DLG2: variants seen among roughly 807,000 people sequenced by gnomAD.
DLG2 encodes the protein discs large MAGUK scaffold protein 2.
Under a neutral mutation model 132.5 loss-of-function variants are expected in DLG2, and 45 were observed. The observed-to-expected ratio is 0.34, with a 90% CI of 0.27 to 0.44. The LOEUF is 0.44. Among genes scored for constraint, DLG2 ranks in the 20% least tolerant of loss-of-function variants. DLG2 has a pLI of 1.00. For missense variants in DLG2, 1,045 were observed against 1,196.9 expected, an observed-to-expected ratio of 0.87 and a Z score of 1.87; for synonymous variants, 424 against 419.6, an observed-to-expected ratio of 1.01 and a Z score of -0.13.
intron 6 of DLG2, among the ~76,000 whole-genome samples, chr11:84,732,918 G>C (rs1313942247): frequency 6.6e-6 from 1 of 151,126 alleles, no homozygotes; most frequent in Non-Finnish European, 1.5e-5. Flanking sequence ...GCGATAGTTT[G>C]CTGAGAATGA....
intron 6 of DLG2, among the ~76,000 whole-genome samples, chr11:84,616,010 T>A (rs1038432125): frequency 2.0e-5 from 3 of 151,844 alleles, no homozygotes; most frequent in African/African-American, 7.3e-5. Flanking sequence ...AAGACAGACA[T>A]TAGTAAGCAA....
intron 6 of DLG2, among the ~76,000 whole-genome samples, chr11:85,074,922 G>A (rs2066326765): frequency 4.0e-5 from 6 of 151,856 alleles, no homozygotes. Flanking sequence ...CCTCACTGAA[G>A]TTACATTAAG....
At chr11:83,613,792 A>T (rs2060434057) in intron 19 of DLG2, among the ~76,000 whole-genome samples, 1 of 152,220 alleles carries the variant, frequency 6.6e-6, no homozygotes, top group South Asian at 2.1e-4. Context: ...AAAAAAAGAA[A>T]GAAAAGATAA....
At chr11:83,527,443 C>T (rs544452890) in intron 21 of DLG2, among the ~76,000 whole-genome samples, 22 of 152,050 alleles carry the variant, frequency 1.4e-4, no homozygotes, top group Admixed American at 2.0e-4. Context: ...GTATGTATGC[C>T]GGGCATTGTG....
intron 6 of DLG2, among the ~76,000 whole-genome samples, chr11:84,644,993 T>G (rs908363822): frequency 1.3e-5 from 2 of 152,194 alleles, no homozygotes; most frequent in Non-Finnish European, 1.5e-5. Context: ...CATTCTCGAT[T>G]ATCTGTACCC....
chr11:83,462,886 A>G (rs1190698057), intron 26 of DLG2, among the ~76,000 whole-genome samples: 1 of 152,184 alleles, frequency 6.6e-6, no homozygotes, highest in Non-Finnish European at 1.5e-5. Context: ...TTCTCTCTAA[A>G]ACCTAATCTA....
chr11:85,364,114 C>A (rs1412969106), intron 3 of DLG2, among the ~76,000 whole-genome samples: 1 of 152,068 alleles, frequency 6.6e-6, no homozygotes, highest in Non-Finnish European at 1.5e-5. Flanking sequence ...TAATAAGCAC[C>A]TTGGCTGAGG....
intron 7 of DLG2, chr11:84,273,306 G>GAAA (rs752762450): frequency 1.0e-3 from 800 of 788,902 alleles, no homozygotes; most frequent in South Asian, 2.2e-3. Context: ...AGTTGAAGAG[G>GAAA]AAAAAAAAAA....
chr11:85,487,325 T>G (rs2093451267), intron 3 of DLG2, among the ~76,000 whole-genome samples: 2 of 148,494 alleles, frequency 1.3e-5, no homozygotes, highest in South Asian at 4.2e-4. Flanking sequence ...CAATCAAAAA[T>G]AAATTCACAA....
intron 19 of DLG2, among the ~76,000 whole-genome samples, chr11:83,562,431 C>G (rs1037088473): frequency 6.6e-6 from 1 of 151,998 alleles, no homozygotes; most frequent in South Asian, 2.1e-4. Flanking sequence ...ACCATTTACC[C>G]CTGACCACCC....
chr11:83,607,552 T>G (rs2153398241), intron 19 of DLG2, among the ~76,000 whole-genome samples: 1 of 152,338 alleles, frequency 6.6e-6, no homozygotes, highest in Admixed American at 6.5e-5. Flanking sequence ...ACAACTACTA[T>G]TAGCAAATGG....
intron 15 of DLG2, 131 bp downstream of exon 15, chr11:83,930,197 C>G (rs762852489): frequency 7.6e-5 from 80 of 1,049,668 alleles, no homozygotes; most frequent in Middle Eastern, 3.2e-4. Flanking sequence ...ACCAAGGGAA[C>G]AGCAGAACAT....
At chr11:85,419,178 A>T (rs2090101229) in intron 3 of DLG2, among the ~76,000 whole-genome samples, 1 of 152,192 alleles carries the variant, frequency 6.6e-6, no homozygotes, top group Non-Finnish European at 1.5e-5. Context: ...TCCTTCGCTT[A>T]TGAAGCTTAG....
chr11:85,029,788 G>C (rs1337200686), intron 6 of DLG2, among the ~76,000 whole-genome samples: 1 of 152,156 alleles, frequency 6.6e-6, no homozygotes, highest in Non-Finnish European at 1.5e-5. Flanking sequence ...TGAACTGAAA[G>C]TCTCCTTTAC....
intron 6 of DLG2, among the ~76,000 whole-genome samples, chr11:85,090,289 T>C (rs11234291): frequency 0.037 from 5,626 of 152,268 alleles, 320 homozygotes; most frequent in African/African-American, 0.13. Context: ...TTTCATTTAC[T>C]CTCTGAAGGA....
intron 3 of DLG2, among the ~76,000 whole-genome samples, chr11:85,381,688 T>C (rs1409625373): frequency 6.6e-6 from 1 of 152,108 alleles, no homozygotes; most frequent in East Asian, 1.9e-4. Context: ...TACACAAACA[T>C]TAATTGTATT....
At chr11:85,064,841 A>T (rs369035948) in intron 6 of DLG2, among the ~76,000 whole-genome samples, 1 of 151,554 alleles carries the variant, frequency 6.6e-6, no homozygotes, top group Non-Finnish European at 1.5e-5. Flanking sequence ...TCTCAAGATT[A>T]TAACATACAA....
chr11:83,978,435 C>G (rs2092473554), intron 12 of DLG2, among the ~76,000 whole-genome samples: 1 of 151,974 alleles, frequency 6.6e-6, no homozygotes, highest in Admixed American at 6.6e-5. Context: ...ATTCTATTCC[C>G]AAGACAACAT....
Position 85,352,265 on chromosome 11 carries a change from T to C in DLG2, c.41-66900A>G, listed in dbSNP as rs141255967. On this transcript the variant is annotated intron_variant, in intron 3 of 27. Coordinates refer to ENST00000376104, the MANE Select transcript of DLG2 (RefSeq NM_001142699.3). ...GGGATTGGTGGTGATATCCCCTTTA[T>C]CATTTTTTATTGCGTCTATTTGATT... Among the ~76,000 whole-genome samples the C allele has an allele frequency of 9.5e-3, 1,452 of 152,310 alleles. 18 individuals carry two copies. The highest frequency in any genetic ancestry group is 0.031 in the African/African-American group (1,308 of 41,560).
Sources: allele counts gnomAD v4.1 joint callset (sites outside exome capture counted in the v4.1 genomes callset), GRCh38; gene constraint gnomAD v4.1.1; transcripts MANE v1.5; gene names NCBI Gene and HGNC (gene_info 2026-07-23, HGNC 2026-07-21).